The following ZNF485 variants were observed in gnomAD, a reference collection of about 807,000 sequenced individuals.
The protein encoded by ZNF485 is Zinc finger protein 93 (Zinc finger protein HTF34).
A neutral mutation model predicts 10.8 loss-of-function variants in ZNF485; 9 were observed. The ratio of observed to expected loss-of-function variants is 0.83; its 90% CI spans 0.50 to 1.45. ZNF485 has a LOEUF of 1.45. Among genes scored for constraint, ZNF485 ranks in the 40% most tolerant of loss-of-function variants. ZNF485 has a pLI of 0.00. For missense variants in ZNF485, 487 were observed against 528.0 expected, an observed-to-expected ratio of 0.92 and a Z score of 0.76; for synonymous variants, 187 against 181.0, an observed-to-expected ratio of 1.03 and a Z score of -0.27.
chr10:43,616,246 C>A, intron 4 of ZNF485, 45 bp from the exon 5 acceptor site: 1 of 1,443,256 alleles, frequency 6.9e-7, no homozygotes, highest in Non-Finnish European at 9.4e-7. Flanking sequence ...TCACTTTCAG[C>A]ATTTCAACAT....
intron 2 of ZNF485, among the ~76,000 whole-genome samples, chr10:43,608,143 T>C (rs1039324840): frequency 2.0e-5 from 3 of 152,260 alleles, no homozygotes; most frequent in Non-Finnish European, 4.4e-5. Context: ...TCAAAGTTTC[T>C]ATTCATTTGT....
intron 4 of ZNF485, among the ~76,000 whole-genome samples, chr10:43,614,681 A>T (rs1311160923): frequency 6.6e-6 from 1 of 151,960 alleles, no homozygotes. Context: ...TAAATTATAT[A>T]TTAACAATTA....
At chr10:43,611,494 T>A (rs113335748) in intron 4 of ZNF485, among the ~76,000 whole-genome samples, 3 of 152,316 alleles carry the variant, frequency 2.0e-5, no homozygotes, top group Admixed American at 6.5e-5. Flanking sequence ...TACACATCAA[T>A]TCTCTTGTGT....
At chr10:43,608,583 C>G in intron 2 of ZNF485, 31 bp from the exon 3 acceptor site, 1 of 1,589,604 alleles carries the variant, frequency 6.3e-7, no homozygotes, top group Non-Finnish European at 8.6e-7. Flanking sequence ...CAGGGGTTCC[C>G]GGATGAGCAG....
intron 4 of ZNF485, among the ~76,000 whole-genome samples, chr10:43,610,843 T>G (rs113788322): frequency 0.013 from 1,974 of 152,350 alleles, 35 homozygotes; most frequent in South Asian, 0.084. Context: ...CATCACTCAG[T>G]TCCCCTCCCC....
In ZNF485 at chr10:43,617,014, AACCCTATC is replaced by A; in HGVS notation, c.974_981del (p.Pro325LeufsTer3). 1 of 1,614,206 alleles carries A rather than the reference AACCCTATC, an allele frequency of 6.2e-7. No homozygotes were observed. The highest frequency in any genetic ancestry group is 1.1e-5 in the South Asian group (1 of 91,084). Reference sequence around the variant, plus strand: ...CACCAAAGAATGCATACTGGGGAGAAACCCTATCACTGCAGTAAATGTGGAAAATCTTT... The same window carrying A: ...CACCAAAGAATGCATACTGGGGAGAAACTGCAGTAAATGTGGAAAATCTTT... On this transcript the variant is annotated frameshift_variant, in exon 5 of 5. Coordinates refer to ENST00000361807, the MANE Select transcript of ZNF485 (RefSeq NM_145312.4). LOFTEE classifies it low-confidence loss of function (END_TRUNC).
chr10:43,616,703 A>G lies in ZNF485; in HGVS notation c.660A>G (p.Gly220=). 6.2e-7 allele frequency: 1 copy of G among 1,614,132 alleles called. No individual in the cohort carries two copies. The highest frequency in any genetic ancestry group is 2.2e-5 in the East Asian group (1 of 44,882). Reference sequence around the variant, plus strand: ...AACCCCACAAATGCATTGAATGTGGAAAAACTTTCAGAAAGAACTCAATCC... The same window carrying G: ...AACCCCACAAATGCATTGAATGTGGGAAAACTTTCAGAAAGAACTCAATCC... ...REKPHKCIEC[G]KTFRKNSILL... The change falls in exon 5 of 5, where the codon GGA becomes GGG. Residue 220 remains glycine, a synonymous_variant. Transcript: ENST00000361807.
intron 4 of ZNF485, among the ~76,000 whole-genome samples, chr10:43,611,533 T>C (rs898795037): frequency 2.6e-5 from 4 of 152,222 alleles, no homozygotes; most frequent in Non-Finnish European, 5.9e-5. Context: ...TAAATTCCTA[T>C]AAGAATTGTT....
At chr10:43,613,543 A>G (rs1838803234) in intron 4 of ZNF485, among the ~76,000 whole-genome samples, 1 of 152,242 alleles carries the variant, frequency 6.6e-6, no homozygotes, top group Admixed American at 6.5e-5. Flanking sequence ...GCTGGAGCCC[A>G]TGCTTGGAAA....
chr10:43,616,614 T>C lies in ZNF485; in HGVS notation c.571T>C (p.Cys191Arg). 3 of 1,614,228 alleles carry C rather than the reference T, an allele frequency of 1.9e-6. No individual in the cohort carries two copies. The highest frequency in any genetic ancestry group is 1.1e-5 in the South Asian group (1 of 91,082). Reference protein sequence around the residue: ...AGKQPYRCIECGKFLKKHSTF... With the variant: ...AGKQPYRCIERGKFLKKHSTF... The stretch of plus-strand genomic sequence containing the variant: ...CAAACAGCCTTATAGATGTATTGAA[T>C]GTGGGAAGTTCCTGAAGAAGCACTC... The change falls in exon 5 of 5, where the codon TGT (cysteine) becomes CGT (arginine). Residue 191 changes from cysteine to arginine, a missense_variant. Coordinates refer to ENST00000361807, the MANE Select transcript of ZNF485 (RefSeq NM_145312.4).
At chr10:43,607,954 T>TA (rs1276177206) in intron 2 of ZNF485, among the ~76,000 whole-genome samples, 3 of 152,254 alleles carry the variant, frequency 2.0e-5, no homozygotes, top group Non-Finnish European at 4.4e-5. Context: ...TTTATATAGT[T>TA]ACGGCAGAAA....
At chr10:43,607,605 G>C (rs1838678244) in intron 2 of ZNF485, among the ~76,000 whole-genome samples, 1 of 152,180 alleles carries the variant, frequency 6.6e-6, no homozygotes. Context: ...AGAAAACTAG[G>C]TTTTGAAGGA....
Position 43,617,569 on chromosome 10 carries a change from T to G in ZNF485, c.*200T>G. On this transcript the variant is annotated 3_prime_UTR_variant, in exon 5 of 5. Coordinates refer to ENST00000361807, the MANE Select transcript of ZNF485 (RefSeq NM_145312.4). ...ATGGAAGTAGTTATAGCATACTGTG[T>G]GCTAATTGAAAAGAATGAGGTGGAG... The G allele has an allele frequency of 2.0e-6, 1 of 489,046 alleles. No homozygotes were observed. The highest frequency in any genetic ancestry group is 3.6e-6 in the Non-Finnish European group (1 of 281,020). 30.3% of individuals were successfully genotyped at this position (489,046 alleles called of 1,614,324 possible).
intron 4 of ZNF485, among the ~76,000 whole-genome samples, chr10:43,612,326 C>T (rs1007637593): frequency 2.6e-5 from 4 of 152,156 alleles, no homozygotes; most frequent in Non-Finnish European, 5.9e-5. Flanking sequence ...TTTTCTTTTT[C>T]ATCTGCCCAT....
At chr10:43,614,804 C>T (rs191735111) in intron 4 of ZNF485, among the ~76,000 whole-genome samples, 73 of 151,544 alleles carry the variant, frequency 4.8e-4, no homozygotes, top group African/African-American at 1.6e-3. Flanking sequence ...TTTATGTTTA[C>T]ATTTACCATC....
At chr10:43,608,590 G>A (rs778788301) in intron 2 of ZNF485, 24 bp from the exon 3 acceptor site, 33 of 1,600,620 alleles carry the variant, frequency 2.1e-5, no homozygotes, top group Admixed American at 3.5e-5. Flanking sequence ...TCCCGGATGA[G>A]CAGAATTGGG....
At chr10:43,610,062 T>C (rs1286704252) in intron 4 of ZNF485, among the ~76,000 whole-genome samples, 1 of 152,226 alleles carries the variant, frequency 6.6e-6, no homozygotes, top group Non-Finnish European at 1.5e-5. Flanking sequence ...CTGGTGGTAG[T>C]TGCAGATTCC....
intron 4 of ZNF485, among the ~76,000 whole-genome samples, chr10:43,612,423 A>C (rs548165732): frequency 6.6e-6 from 1 of 152,180 alleles, no homozygotes; most frequent in South Asian, 2.1e-4. Flanking sequence ...GTCTAGTTTA[A>C]CTCACATGAT....
chr10:43,607,494 C>T (rs1489382575), intron 2 of ZNF485: 13 of 181,298 alleles, frequency 7.2e-5, no homozygotes, highest in Admixed American at 1.8e-4. Context: ...AAAGCGCTGC[C>T]TGAATGAAGT....
Sources: allele counts gnomAD v4.1 joint callset (sites outside exome capture counted in the v4.1 genomes callset), GRCh38; gene constraint gnomAD v4.1.1; transcripts MANE v1.5; gene names NCBI Gene and HGNC (gene_info 2026-07-23, HGNC 2026-07-21).